The following MOB1B variants were observed in gnomAD, a reference collection of about 807,000 sequenced individuals.
The protein encoded by MOB1B is MOB1 Mps One Binder homolog B.
In MOB1B, 19 loss-of-function variants were observed where a neutral mutation model predicts 24.4. The ratio of observed to expected loss-of-function variants is 0.78; its 90% CI spans 0.54 to 1.14. MOB1B has a LOEUF of 1.14. Ranked by LOEUF, MOB1B falls within the 50% of genes most tolerant of loss-of-function variation. The pLI, the probability that MOB1B is intolerant of heterozygous loss-of-function variation, is 0.00. For synonymous variants in MOB1B, 76 were observed against 82.1 expected (o/e 0.93, Z 0.40); for missense variants, 243 against 259.6 (o/e 0.94, Z 0.44).
intron 1 of MOB1B, chr4:70,942,963 C>A (rs1578373979): frequency 3.8e-6 from 1 of 261,866 alleles, no homozygotes; most frequent in Non-Finnish European, 6.0e-6. Flanking sequence ...AGAAATATAT[C>A]TCAGTGGGTT....
chr4:70,913,741 G>C (rs1201695183), intron 1 of MOB1B, among the ~76,000 whole-genome samples: 2 of 152,140 alleles, frequency 1.3e-5, no homozygotes, highest in East Asian at 3.9e-4. Context: ...ATATTTTATA[G>C]GGAGATATTT....
At chr4:70,959,432 T>C (rs1359369663) in intron 2 of MOB1B, among the ~76,000 whole-genome samples, 2 of 152,178 alleles carry the variant, frequency 1.3e-5, no homozygotes, top group Non-Finnish European at 2.9e-5. Flanking sequence ...CAGGATTGTC[T>C]TGAACTCCTG....
chr4:70,921,598 C>T (rs1309483186), intron 1 of MOB1B, among the ~76,000 whole-genome samples: 1 of 148,990 alleles, frequency 6.7e-6, no homozygotes, highest in South Asian at 2.2e-4. Flanking sequence ...GCTGAGTGAG[C>T]TTGCAGTTCA....
chr4:70,946,081 G>GTT (rs1560648567), intron 1 of MOB1B, among the ~76,000 whole-genome samples: 4 of 85,176 alleles, frequency 4.7e-5, no homozygotes, highest in African/African-American at 1.3e-4. Context: ...GTTTTTGTTT[G>GTT]TTCTTTTTTT....
chr4:70,979,310 C>T lies in MOB1B; in HGVS notation c.573+19C>T. On this transcript the variant is annotated intron_variant, in intron 5 of 5. Transcript: ENST00000309395. The stretch of plus-strand genomic sequence containing the variant: ...TGTCCAGGTAAGTTGGATTAGGAGG[C>T]CTTTGGTGCTCAGGGTAAGCATTTA... 2.5e-6 allele frequency: 4 copies of T among 1,596,350 alleles called. No individual in the cohort carries two copies. Among genetic ancestry groups the T allele is most frequent in the Non-Finnish European group, 2.6e-6 (3 of 1,167,240 alleles).
At chr4:70,967,124 G>A (rs1738564109) in intron 2 of MOB1B, among the ~76,000 whole-genome samples, 1 of 150,790 alleles carries the variant, frequency 6.6e-6, no homozygotes. Flanking sequence ...CCACCAATAT[G>A]TTACTGGAGT....
chr4:70,973,989 T>C (rs1330342119), intron 3 of MOB1B, among the ~76,000 whole-genome samples: 1 of 152,158 alleles, frequency 6.6e-6, no homozygotes, highest in Non-Finnish European at 1.5e-5. Flanking sequence ...GCCCAAACTC[T>C]GGGGACAAGG....
chr4:70,925,434 A>T (rs551382589), intron 1 of MOB1B, among the ~76,000 whole-genome samples: 36 of 152,216 alleles, frequency 2.4e-4, no homozygotes, highest in African/African-American at 8.2e-4. Flanking sequence ...GCCTTTTTTG[A>T]TATCACTTAA....
chr4:70,966,858 AT>A (rs201054085), intron 2 of MOB1B, among the ~76,000 whole-genome samples: 2,827 of 151,820 alleles, frequency 0.019, 45 homozygotes, highest in East Asian at 0.045. Context: ...AAAAAAAAAA[AT>A]AAATTAGAAA....
In MOB1B at chr4:70,983,527, T is replaced by C. The variant is rs1387053600; in HGVS notation, c.*1470T>C. 1 of 152,360 alleles carries C rather than the reference T, an allele frequency of 6.6e-6. No individual in the cohort carries two copies. The highest frequency in any genetic ancestry group is 2.4e-5 in the African/African-American group (1 of 41,466). 9.4% of individuals were successfully genotyped at this position (152,360 alleles called of 1,614,324 possible). A position where few individuals can be genotyped will look rare whatever the true frequency, so the allele number is the denominator to read the frequency against. The stretch of plus-strand genomic sequence containing the variant: ...AATACCCTTTTTAGAAATCCAGTTT[T>C]AGTTTTGTCATTTTCGATAAATCTT... On this transcript the variant is annotated 3_prime_UTR_variant, in exon 6 of 6. Transcript: ENST00000309395.
intron 1 of MOB1B, 137 bp downstream of exon 1, chr4:70,902,687 G>T (rs1735563893): frequency 1.2e-6 from 1 of 812,742 alleles, no homozygotes; most frequent in Admixed American, 4.2e-5. Context: ...ACCACCAAGC[G>T]GGGCCCCGGG....
chr4:70,924,331 G>T (rs1426089663), intron 1 of MOB1B, among the ~76,000 whole-genome samples: 1 of 152,138 alleles, frequency 6.6e-6, no homozygotes, highest in Admixed American at 6.6e-5. Context: ...TTGAGTCAGT[G>T]AACAGCAGAC....
At chr4:70,907,210 A>T (rs563728600) in intron 1 of MOB1B, among the ~76,000 whole-genome samples, 5 of 152,176 alleles carry the variant, frequency 3.3e-5, no homozygotes, top group African/African-American at 1.2e-4. Flanking sequence ...AAAATCACCA[A>T]CTTGAGGTTG....
chr4:70,937,074 C>T (rs1289285135), intron 1 of MOB1B, among the ~76,000 whole-genome samples: 1 of 151,874 alleles, frequency 6.6e-6, no homozygotes, highest in African/African-American at 2.4e-5. Flanking sequence ...CCCACCACCA[C>T]GCCTCTCTAA....
At chr4:70,907,127 A>G (rs1735780049) in intron 1 of MOB1B, among the ~76,000 whole-genome samples, 5 of 152,184 alleles carry the variant, frequency 3.3e-5, no homozygotes, top group Admixed American at 3.3e-4. Context: ...TTTGTGCAAG[A>G]GGCTGTAGAA....
chr4:70,931,509 G>C lies in MOB1B; in HGVS notation c.15-27365G>C, dbSNP rs142570709. On this transcript the variant is annotated intron_variant, in intron 1 of 5. Coordinates refer to ENST00000309395, the MANE Select transcript of MOB1B (RefSeq NM_173468.4). Reference sequence around the variant, plus strand: ...AGATTTATGATTGGCTTGTGGAACTGGTCAGAATGAGATCAGACCTCTGAA... The same window carrying C: ...AGATTTATGATTGGCTTGTGGAACTCGTCAGAATGAGATCAGACCTCTGAA... Among the ~76,000 whole-genome samples, 3 of 152,288 alleles carry C rather than the reference G, an allele frequency of 2.0e-5. No homozygotes were observed. The East Asian group carries it at 5.8e-4, about 29-fold the overall frequency.
chr4:70,968,370 G>A lies in MOB1B; in HGVS notation c.182-1561G>A, dbSNP rs142125749. 1.1e-4 allele frequency among the ~76,000 whole-genome samples: 17 copies of A among 152,198 alleles called. 1 individual carries two copies. Among genetic ancestry groups the A allele is most frequent in the African/African-American group, 3.9e-4 (16 of 41,536 alleles). ...CTTGTTGCCTAGGCTGGAGTGTGAT[G>A]GCACGATCTCGGGTCACTGCAACCT... On this transcript the variant is annotated intron_variant, in intron 2 of 5. Transcript: ENST00000309395.
chr4:70,958,997 G>C lies in MOB1B; in HGVS notation c.138G>C (p.Met46Ile), dbSNP rs1307028363. The change falls in exon 2 of 6, where the codon ATG becomes ATC. Residue 46 changes from methionine (M) to isoleucine (I), a missense_variant. Met to Ile is a conservative substitution (Grantham distance 10, BLOSUM62 1). Coordinates refer to ENST00000309395, the MANE Select transcript of MOB1B (RefSeq NM_173468.4). ...GTGGCAACCTTCGGATGGCTGTCAT[G>C]CTTCCTGAAGGGGAAGATCTCAATG... ...LGSGNLRMAV[M>I]LPEGEDLNEW... The C allele has an allele frequency of 1.2e-6, 2 of 1,614,154 alleles. No homozygotes were observed. The highest frequency in any genetic ancestry group is 1.7e-5 in the Admixed American group (1 of 60,016).
Position 70,978,609 on chromosome 4 carries a change from T to C in MOB1B, c.410-519T>C, listed in dbSNP as rs1271124133. ...TTTTTCTGCTTTTGTATTTCAGTGCTGTAAAAGTGCTGTAATTTACAAATC... is the reference window on the plus strand; with the variant it reads ...TTTTTCTGCTTTTGTATTTCAGTGCCGTAAAAGTGCTGTAATTTACAAATC... On this transcript the variant is annotated intron_variant, in intron 4 of 5. Coordinates refer to ENST00000309395, the MANE Select transcript of MOB1B (RefSeq NM_173468.4). Among the ~76,000 whole-genome samples the C allele has an allele frequency of 5.3e-4, 81 of 152,232 alleles. 2 individuals carry two copies. The highest frequency in any genetic ancestry group is 1.5e-5 in the Non-Finnish European group (1 of 68,032).
Sources: allele counts gnomAD v4.1 joint callset (sites outside exome capture counted in the v4.1 genomes callset), GRCh38; gene constraint gnomAD v4.1.1; transcripts MANE v1.5; gene names NCBI Gene and HGNC (gene_info 2026-07-23, HGNC 2026-07-21).